Variants in DGKI observed in about 807,000 individuals in gnomAD.
The protein encoded by DGKI is diacylglycerol kinase iota.
Under a neutral mutation model 147.5 loss-of-function variants are expected in DGKI, and 55 were observed. The observed-to-expected ratio is 0.37, with a 90% CI of 0.30 to 0.47. DGKI has a LOEUF of 0.47. Ranked by LOEUF, DGKI falls within the 20% of genes least tolerant of loss-of-function variation. The pLI is 1.00. For synonymous variants in DGKI, 469 were observed against 477.1 expected, an observed-to-expected ratio of 0.98 and a Z score of 0.22; for missense variants, 1,007 against 1,323.8, an observed-to-expected ratio of 0.76 and a Z score of 3.71.
At chr7:137,640,996 G>A (rs1303879473) in intron 6 of DGKI, among the ~76,000 whole-genome samples, 2 of 152,126 alleles carry the variant, frequency 1.3e-5, no homozygotes, top group Non-Finnish European at 2.9e-5. Context: ...ATCTTGAATT[G>A]TAACTCCCAC....
chr7:137,727,968 A>G (rs1394526249), intron 1 of DGKI, among the ~76,000 whole-genome samples: 1 of 152,194 alleles, frequency 6.6e-6, no homozygotes, highest in East Asian at 1.9e-4. Flanking sequence ...AAGACTACCT[A>G]TAATTGTGTG....
intron 1 of DGKI, among the ~76,000 whole-genome samples, chr7:137,834,274 C>G (rs555997132): frequency 4.2e-4 from 64 of 152,314 alleles, no homozygotes; most frequent in African/African-American, 1.4e-3. Flanking sequence ...CTCTCCTCCC[C>G]AGCCTTTCTT....
intron 19 of DGKI, among the ~76,000 whole-genome samples, chr7:137,563,253 T>A (rs1357795222): frequency 6.6e-6 from 1 of 151,844 alleles, no homozygotes; most frequent in Non-Finnish European, 1.5e-5. Context: ...AAATGGAAAT[T>A]CCTTCATCAT....
At chr7:137,493,413 C>T (rs893396841) in intron 21 of DGKI, among the ~76,000 whole-genome samples, 1 of 152,182 alleles carries the variant, frequency 6.6e-6, no homozygotes, top group Non-Finnish European at 1.5e-5. Context: ...GAGCACAGAT[C>T]TTACTTCCAC....
At chr7:137,754,510 G>A (rs1237453449) in intron 1 of DGKI, among the ~76,000 whole-genome samples, 1 of 152,154 alleles carries the variant, frequency 6.6e-6, no homozygotes, top group African/African-American at 2.4e-5. Context: ...TGCAGCAAGG[G>A]ACGTTTGTTT....
rs1394733829 is a variant in DGKI, at chr7:137,846,616, C to T, written c.247G>A (p.Ala83Thr). 5 of 1,089,440 alleles carry T rather than the reference C, an allele frequency of 4.6e-6. No individual in the cohort carries two copies. Among genetic ancestry groups the T allele is most frequent in the Non-Finnish European group, 5.5e-6 (5 of 902,628 alleles). 67.5% of individuals were successfully genotyped at this position (1,089,440 alleles called of 1,614,324 possible). Reference sequence around the variant, plus strand: ...CCCCGCGGGTCCGCGCCGCCCTCGGCGCCCAGGCAGCAGCTCCCGGCGCCG... The same window carrying T: ...CCCCGCGGGTCCGCGCCGCCCTCGGTGCCCAGGCAGCAGCTCCCGGCGCCG... ...GSGAGSCCLG[A>T]EGGADPRGAG... Residue 83 changes from alanine to threonine, a missense_variant, in exon 1 of 33, where the codon GCC becomes ACC. Around this residue, in one of 5 missense-constraint regions of DGKI, gnomAD observed 137 missense variants for 114.4 expected, o/e 1.20. Transcript: ENST00000614521. The surrounding 1 kb of genome is among the most constrained non-coding windows in gnomAD (Gnocchi z 4.0).
intron 21 of DGKI, among the ~76,000 whole-genome samples, chr7:137,503,850 T>G (rs1450808054): frequency 6.6e-6 from 1 of 152,166 alleles, no homozygotes; most frequent in African/African-American, 2.4e-5. Flanking sequence ...CTAAGCCTTA[T>G]TTAATTCATC....
At chr7:137,490,980 A>G (rs1300321377) in intron 21 of DGKI, among the ~76,000 whole-genome samples, 4 of 152,240 alleles carry the variant, frequency 2.6e-5, no homozygotes, top group African/African-American at 9.6e-5. Flanking sequence ...CAGAAATACT[A>G]CTAACCTACA....
chr7:137,577,835 T>C (rs143296780), intron 16 of DGKI, among the ~76,000 whole-genome samples: 6 of 152,352 alleles, frequency 3.9e-5, no homozygotes, highest in Admixed American at 6.5e-5. Flanking sequence ...ACCTCACGTA[T>C]GCGTCCATGA....
At chr7:137,494,853 C>T (rs1015407687) in intron 21 of DGKI, among the ~76,000 whole-genome samples, 3 of 152,040 alleles carry the variant, frequency 2.0e-5, no homozygotes, top group Non-Finnish European at 4.4e-5. Flanking sequence ...GTGTTAAATG[C>T]CCCATTTCAA....
rs1485483577 is a variant in DGKI at position 137,846,943 on chromosome 7, G to GCCTCCCGCGC, written c.-91_-82dup. 1.6e-4 allele frequency: 156 copies of GCCTCCCGCGC among 1,002,364 alleles called. No individual in the cohort carries two copies. The highest frequency in any genetic ancestry group is 1.7e-4 in the Admixed American group (3 of 17,464). The allele number at this position is 1,002,364 out of a possible 1,614,324, so 62.1% of individuals were successfully genotyped here. Reference sequence around the variant, plus strand: ...GGCCAATCAGAGGCCGCCGCTCCCCGCCTCCCGCGCCCTCCCGCGCCGGCC... The same window carrying GCCTCCCGCGC: ...GGCCAATCAGAGGCCGCCGCTCCCCGCCTCCCGCGCCCTCCCGCGCCCTCCCGCGCCGGCC... On this transcript the variant is annotated 5_prime_UTR_variant, in exon 1 of 33. Coordinates refer to ENST00000614521, the MANE Select transcript of DGKI (RefSeq NM_001321708.2). The surrounding 1 kb of genome is among the most constrained non-coding windows in gnomAD (Gnocchi z 4.0).
At chr7:137,764,976 T>A (rs1261021096) in intron 1 of DGKI, among the ~76,000 whole-genome samples, 2 of 152,186 alleles carry the variant, frequency 1.3e-5, no homozygotes, top group East Asian at 3.8e-4. Context: ...TCACAGCTAA[T>A]AAGGAGAAGA....
In DGKI at chr7:137,389,683, T is replaced by C. The variant is rs1811288470; in HGVS notation, c.*1537A>G. The C allele has an allele frequency of 6.6e-6, 1 of 152,274 alleles. No homozygotes were observed. The highest frequency in any genetic ancestry group is 2.1e-4 in the South Asian group (1 of 4,820). The allele number at this position is 152,274 out of a possible 1,614,324, so 9.4% of individuals were successfully genotyped here. On this transcript the variant is annotated 3_prime_UTR_variant, in exon 33 of 33. Coordinates refer to ENST00000614521, the MANE Select transcript of DGKI (RefSeq NM_001321708.2). Reference sequence around the variant, plus strand: ...TATTTGGACAGAAAGACAGACATTTTCTTCTGATATTTTAGGGATCACAGA... The same window carrying C: ...TATTTGGACAGAAAGACAGACATTTCCTTCTGATATTTTAGGGATCACAGA...
rs573921889 is a variant in DGKI at position 137,464,833 on chromosome 7, C to A, written c.2612+1075G>T. 5.3e-5 allele frequency among the ~76,000 whole-genome samples: 8 copies of A among 152,302 alleles called. No individual in the cohort carries two copies. The South Asian group carries it at 1.7e-3, about 32-fold the overall frequency. On this transcript the variant is annotated intron_variant, in intron 26 of 32. Coordinates refer to ENST00000614521, the MANE Select transcript of DGKI (RefSeq NM_001321708.2). The stretch of plus-strand genomic sequence containing the variant: ...TATTCATACTGTATGAGTCTGTGTA[C>A]ACGATGTGCATTTACTATTTGGGCA...
At chr7:137,819,296 C>T (rs1317857423) in intron 1 of DGKI, among the ~76,000 whole-genome samples, 1 of 150,152 alleles carries the variant, frequency 6.7e-6, no homozygotes, top group African/African-American at 2.4e-5. Flanking sequence ...AATCCAAGAA[C>T]TTCAGACTAC....
chr7:137,430,856 T>C (rs1813043321), intron 28 of DGKI, among the ~76,000 whole-genome samples: 1 of 151,716 alleles, frequency 6.6e-6, no homozygotes, highest in African/African-American at 2.4e-5. Context: ...GTGTCAGGAA[T>C]AGCGGGAAAA....
chr7:137,388,806 T>A lies in DGKI; in HGVS notation c.*2414A>T, dbSNP rs1811258339. The stretch of plus-strand genomic sequence containing the variant: ...TGAATAACACAGGACTCTAATGCCT[T>A]TTTTTTTTTTGGTTTGAAAAAATTT... On this transcript the variant is annotated 3_prime_UTR_variant, in exon 33 of 33. Coordinates refer to ENST00000614521, the MANE Select transcript of DGKI (RefSeq NM_001321708.2). 1 of 142,458 alleles carries A rather than the reference T, an allele frequency of 7.0e-6. No individual in the cohort carries two copies. The highest frequency in any genetic ancestry group is 2.1e-4 in the South Asian group (1 of 4,740). The allele number at this position is 142,458 out of a possible 1,614,324, so 8.8% of individuals were successfully genotyped here.
chr7:137,694,264 G>A (rs137928043), intron 1 of DGKI, among the ~76,000 whole-genome samples: 1 of 151,816 alleles, frequency 6.6e-6, no homozygotes, highest in East Asian at 1.9e-4. Flanking sequence ...GGAGCCTGCA[G>A]TGAGCGGAGA....
rs1200693385 is a variant in DGKI, at chr7:137,381,075, T to C, written c.*10145A>G. On this transcript the variant is annotated 3_prime_UTR_variant, in exon 33 of 33. Transcript: ENST00000614521. ...TTTTATTCTGTACATTTCCACACAA[T>C]TCACAATACAGAAAAAGTGTCCAAA... 6.6e-6 allele frequency: 1 copy of C among 152,104 alleles called. No homozygotes were observed. Among genetic ancestry groups the C allele is most frequent in the African/African-American group, 2.4e-5 (1 of 41,432 alleles). 9.4% of individuals were successfully genotyped at this position (152,104 alleles called of 1,614,324 possible).
Sources: allele counts gnomAD v4.1 joint callset (sites outside exome capture counted in the v4.1 genomes callset), GRCh38; gene constraint gnomAD v4.1.1; regional missense constraint gnomAD v4.1.1; non-coding constraint Gnocchi (gnomAD v3.1); transcripts MANE v1.5; gene names NCBI Gene and HGNC (gene_info 2026-07-23, HGNC 2026-07-21).